The following FSTL5 variants were observed in gnomAD, a reference collection of about 807,000 sequenced individuals.
FSTL5 encodes follistatin like 5, also known as follistatin-related protein 5.
A neutral mutation model predicts 89.1 loss-of-function variants in FSTL5; 62 were observed. The observed-to-expected ratio is 0.70, with a 90% confidence interval of 0.57 to 0.86. The LOEUF (loss-of-function observed/expected upper bound fraction) is 0.86, where lower values mean the gene tolerates loss of function less well. Ranked by LOEUF, FSTL5 falls within the 40% of genes least tolerant of loss-of-function variation. The pLI is 0.00. For missense variants in FSTL5, 1,057 were observed against 1,001.6 expected (o/e 1.06, Z -0.75); for synonymous variants, 383 against 346.2 (o/e 1.11, Z -1.18).
chr4:161,793,113 C>T (rs1348703159), intron 4 of FSTL5, among the ~76,000 whole-genome samples: 1 of 152,252 alleles, frequency 6.6e-6, no homozygotes, highest in East Asian at 1.9e-4. Flanking sequence ...GCTCCAGCTG[C>T]AGCCTTGCAT....
At chr4:161,529,293 T>C (rs1277540035) in intron 10 of FSTL5, among the ~76,000 whole-genome samples, 3 of 142,896 alleles carry the variant, frequency 2.1e-5, no homozygotes, top group African/African-American at 7.5e-5. Flanking sequence ...AGTCTTCATA[T>C]AGAAGTCACA....
chr4:162,038,720 C>T (rs571411720), intron 2 of FSTL5, among the ~76,000 whole-genome samples: 15 of 151,882 alleles, frequency 9.9e-5, no homozygotes, highest in South Asian at 4.1e-4. Flanking sequence ...AACGTGAAAA[C>T]GGATTTCTCC....
chr4:162,124,799 A>T (rs1398388697), intron 1 of FSTL5, among the ~76,000 whole-genome samples: 1 of 152,030 alleles, frequency 6.6e-6, no homozygotes, highest in Non-Finnish European at 1.5e-5. Context: ...CTCCGGGTTC[A>T]CGCCATTCTC....
chr4:161,411,803 C>T (rs965998019), intron 15 of FSTL5, among the ~76,000 whole-genome samples: 1 of 152,102 alleles, frequency 6.6e-6, no homozygotes, highest in Non-Finnish European at 1.5e-5. Flanking sequence ...TCTCAGCACT[C>T]GCATTTAACA....
At chr4:162,155,865 A>G (rs1230913659) in intron 1 of FSTL5, among the ~76,000 whole-genome samples, 1 of 152,228 alleles carries the variant, frequency 6.6e-6, no homozygotes, top group Non-Finnish European at 1.5e-5. Context: ...GACTACTTGC[A>G]GGGTGTAGAA....
chr4:162,141,306 G>A (rs979947034), intron 1 of FSTL5, among the ~76,000 whole-genome samples: 1 of 82,076 alleles, frequency 1.2e-5, no homozygotes, highest in South Asian at 4.1e-4. Context: ...TAGTAGAGAC[G>A]GGGTTTCACC....
In FSTL5 at chr4:161,983,081, T is replaced by A. The variant is rs148595347; in HGVS notation, c.160+50544A>T. Among the ~76,000 whole-genome samples, 116 of 152,324 alleles carry A rather than the reference T, an allele frequency of 7.6e-4. 1 individual carries two copies. The South Asian group carries it at 0.017, about 22-fold the overall frequency. ...AAATCGAGGAAAGTTCCAGTTTTTG[T>A]ACGCATTGCACTGACAAACCAGGAG... On this transcript the variant is annotated intron_variant, in intron 3 of 15. Transcript: ENST00000306100.
intron 3 of FSTL5, among the ~76,000 whole-genome samples, chr4:162,006,990 G>A (rs1028537831): frequency 6.6e-6 from 1 of 151,782 alleles, no homozygotes; most frequent in Non-Finnish European, 1.5e-5. Flanking sequence ...TTGAGATATT[G>A]TGACTTTCTG....
intron 3 of FSTL5, among the ~76,000 whole-genome samples, chr4:161,942,945 T>G (rs890102001): frequency 1.3e-5 from 2 of 152,102 alleles, no homozygotes; most frequent in African/African-American, 4.8e-5. Context: ...ACCATAAAAA[T>G]CAATTAGTGT....
At chr4:162,055,986 A>C (rs1738530418) in intron 2 of FSTL5, among the ~76,000 whole-genome samples, 1 of 151,910 alleles carries the variant, frequency 6.6e-6, no homozygotes, top group Non-Finnish European at 1.5e-5. Context: ...AAAACTCTTA[A>C]ATTTTTTGAA....
rs191268831 is a variant in FSTL5, at chr4:162,063,429, A to G, written c.127-29771T>C. On this transcript the variant is annotated intron_variant, in intron 2 of 15. Transcript: ENST00000306100. ...CTATTTTAATCACTTCCTAAGTTTT[A>G]TTGATAGCTTGTATTGATCAATATG... Among the ~76,000 whole-genome samples the G allele has an allele frequency of 1.0e-3, 157 of 151,966 alleles. 1 individual carries two copies. The highest frequency in any genetic ancestry group is 3.5e-3 in the African/African-American group (147 of 41,552).
chr4:161,617,731 T>A (rs1273126196), intron 7 of FSTL5, among the ~76,000 whole-genome samples: 1 of 152,228 alleles, frequency 6.6e-6, no homozygotes, highest in Non-Finnish European at 1.5e-5. Context: ...ATGACATCTT[T>A]AACTCATTCA....
intron 2 of FSTL5, among the ~76,000 whole-genome samples, chr4:162,053,793 T>C (rs183391975): frequency 6.6e-6 from 1 of 151,942 alleles, no homozygotes; most frequent in East Asian, 1.9e-4. Flanking sequence ...AACTTTACCT[T>C]TATTTTTTAA....
chr4:162,134,587 G>A (rs1029798244), intron 1 of FSTL5, among the ~76,000 whole-genome samples: 2 of 152,162 alleles, frequency 1.3e-5, no homozygotes, highest in Non-Finnish European at 2.9e-5. Flanking sequence ...AGTACCATTG[G>A]AAGAAAAATT....
At chr4:161,929,000 T>C (rs546375614) in intron 3 of FSTL5, among the ~76,000 whole-genome samples, 3 of 151,948 alleles carry the variant, frequency 2.0e-5, no homozygotes, top group East Asian at 1.9e-4. Context: ...ATAGAGATCA[T>C]CTAGGAGTTT....
intron 8 of FSTL5, among the ~76,000 whole-genome samples, chr4:161,583,178 G>A (rs1022524178): frequency 5.9e-5 from 9 of 152,142 alleles, no homozygotes; most frequent in Admixed American, 5.2e-4. Context: ...TCCAGCCTGG[G>A]CAACAGAGAA....
intron 15 of FSTL5, among the ~76,000 whole-genome samples, chr4:161,416,911 T>A (rs1731809125): frequency 6.6e-6 from 1 of 152,042 alleles, no homozygotes; most frequent in African/African-American, 2.4e-5. Flanking sequence ...ATTTCTACTC[T>A]GTGTAAATAA....
intron 13 of FSTL5, among the ~76,000 whole-genome samples, chr4:161,476,165 G>A (rs1306156613): frequency 2.8e-5 from 3 of 109,038 alleles, no homozygotes; most frequent in African/African-American, 7.0e-5. Context: ...CCTTCTTCAA[G>A]TTTGCTGGTT....
intron 6 of FSTL5, among the ~76,000 whole-genome samples, chr4:161,719,010 T>C (rs1442329727): frequency 3.3e-5 from 5 of 152,148 alleles, no homozygotes; most frequent in African/African-American, 1.2e-4. Context: ...TAGAAACCCA[T>C]TGGTAACAGT....
Sources: allele counts gnomAD v4.1 joint callset (sites outside exome capture counted in the v4.1 genomes callset), GRCh38; gene constraint gnomAD v4.1.1; transcripts MANE v1.5; gene names NCBI Gene and HGNC (gene_info 2026-07-23, HGNC 2026-07-21).